PPP1R14C: variants seen among roughly 807,000 people sequenced by gnomAD.
PPP1R14C encodes protein phosphatase 1 regulatory inhibitor subunit 14C.
Under a neutral mutation model 20.4 loss-of-function variants are expected in PPP1R14C, and 16 were observed. The ratio of observed to expected loss-of-function variants is 0.78; its 90% CI spans 0.53 to 1.19. The LOEUF (loss-of-function observed/expected upper bound fraction) is 1.19, where lower values mean the gene tolerates loss of function less well. PPP1R14C is among the 50% of genes most tolerant of loss of function. The pLI is 0.00. For missense variants in PPP1R14C, 211 were observed against 220.1 expected (o/e 0.96, Z 0.26); for synonymous variants, 91 against 91.0 (o/e 1.00, Z 0.00).
chr6:150,199,544 C>T (rs1408707447), intron 1 of PPP1R14C, among the ~76,000 whole-genome samples: 1 of 152,180 alleles, frequency 6.6e-6, no homozygotes, highest in East Asian at 1.9e-4. Context: ...ACCCACCAGC[C>T]TCTTCATCTT....
intron 1 of PPP1R14C, among the ~76,000 whole-genome samples, chr6:150,174,418 G>T (rs62440054): frequency 1.3e-5 from 2 of 151,326 alleles, no homozygotes; most frequent in African/African-American, 2.4e-5. Context: ...GGGTTTCACC[G>T]TGTTAGCCAG....
chr6:150,220,554 A>G (rs1778154246), intron 3 of PPP1R14C, among the ~76,000 whole-genome samples: 2 of 152,224 alleles, frequency 1.3e-5, no homozygotes, highest in African/African-American at 4.8e-5. Flanking sequence ...ATGGGAGTGG[A>G]AGGGGTTGCT....
chr6:150,228,041 C>A (rs768690396), intron 3 of PPP1R14C, among the ~76,000 whole-genome samples: 10 of 152,192 alleles, frequency 6.6e-5, no homozygotes, highest in Non-Finnish European at 1.3e-4. Context: ...ATCCTATGCT[C>A]TGTCAACTCT....
intron 1 of PPP1R14C, among the ~76,000 whole-genome samples, chr6:150,191,197 C>T (rs1777738216): frequency 6.6e-6 from 1 of 152,180 alleles, no homozygotes; most frequent in Middle Eastern, 3.2e-3. Context: ...AGTGAACCTT[C>T]CAGGATCAAC....
At chr6:150,182,254 G>A (rs148791759) in intron 1 of PPP1R14C, among the ~76,000 whole-genome samples, 179 of 152,292 alleles carry the variant, frequency 1.2e-3, no homozygotes, top group African/African-American at 4.0e-3. Context: ...GCTGTGTACC[G>A]TGAGACAAAT....
At chr6:150,239,890 A>T (rs1044768309) in intron 3 of PPP1R14C, among the ~76,000 whole-genome samples, 22 of 152,020 alleles carry the variant, frequency 1.4e-4, no homozygotes, top group African/African-American at 5.3e-4. Flanking sequence ...CCGTCTCTAC[A>T]AAAAATATAA....
chr6:150,215,505 A>C (rs555953078), intron 2 of PPP1R14C, among the ~76,000 whole-genome samples: 1 of 152,164 alleles, frequency 6.6e-6, no homozygotes, highest in Non-Finnish European at 1.5e-5. Context: ...ACTGTTAATG[A>C]CTGTTGGTGA....
intron 1 of PPP1R14C, among the ~76,000 whole-genome samples, chr6:150,156,051 A>G (rs997616878): frequency 6.8e-6 from 1 of 147,220 alleles, no homozygotes; most frequent in Admixed American, 6.8e-5. Flanking sequence ...AAAAAAAAAA[A>G]AGAAAGAAAG....
At chr6:150,179,425 A>AGGAG (rs549534470) in intron 1 of PPP1R14C, among the ~76,000 whole-genome samples, 12,458 of 101,926 alleles carry the variant, frequency 0.12, 772 homozygotes, top group African/African-American at 0.2. Flanking sequence ...AGAGAAAGAA[A>AGGAG]GGAGGGAGGG....
At position 150,195,794 on chromosome 6, in the gene PPP1R14C, CA is replaced by C; in HGVS notation, c.307-18947del. On this transcript the variant is annotated intron_variant, in intron 1 of 3. Coordinates refer to ENST00000361131, the MANE Select transcript of PPP1R14C (RefSeq NM_030949.3). ...CATCTCCCGAACTTTCTCATCTTCC[CA>C]AACTGAGACACTGTGCCCATTCTTG... The C allele has an allele frequency of 4.1e-6, 4 of 980,258 alleles. No homozygotes were observed. In the South Asian group the frequency reaches 1.9e-4, roughly 46 times the overall value. The allele number at this position is 980,258 out of a possible 1,614,324, so 60.7% of individuals were successfully genotyped here. A position where few individuals can be genotyped will look rare whatever the true frequency, so the allele number is the denominator to read the frequency against.
At chr6:150,239,790 C>A (rs193098793) in intron 3 of PPP1R14C, among the ~76,000 whole-genome samples, 1 of 152,178 alleles carries the variant, frequency 6.6e-6, no homozygotes, top group African/African-American at 2.4e-5. Flanking sequence ...TGTAATTACA[C>A]GCCTGTAATC....
At chr6:150,198,279 G>A (rs537455121) in intron 1 of PPP1R14C, among the ~76,000 whole-genome samples, 2 of 144,468 alleles carry the variant, frequency 1.4e-5, no homozygotes, top group African/African-American at 2.6e-5. Flanking sequence ...CTGGATGCCC[G>A]GCTTTGTGTG....
chr6:150,240,939 T>C (rs1749220477), intron 3 of PPP1R14C, among the ~76,000 whole-genome samples: 1 of 152,230 alleles, frequency 6.6e-6, no homozygotes, highest in East Asian at 1.9e-4. Flanking sequence ...TATGTACATC[T>C]TTTGTTATAA....
intron 1 of PPP1R14C, among the ~76,000 whole-genome samples, chr6:150,180,745 G>T (rs899961452): frequency 6.6e-6 from 1 of 152,142 alleles, no homozygotes; most frequent in African/African-American, 2.4e-5. Context: ...GGTGGGGGCG[G>T]AGTGAAGGGT....
intron 3 of PPP1R14C, among the ~76,000 whole-genome samples, chr6:150,228,477 T>C (rs992974535): frequency 1.3e-5 from 2 of 152,162 alleles, no homozygotes; most frequent in Non-Finnish European, 2.9e-5. Flanking sequence ...TGGACAGCAT[T>C]CTCTTAGCAG....
chr6:150,194,617 A>G (rs966562372), intron 1 of PPP1R14C: 4 of 983,548 alleles, frequency 4.1e-6, no homozygotes, highest in Admixed American at 6.1e-5. Context: ...TTTACATTTT[A>G]TTAAACCACC....
Position 150,143,573 on chromosome 6 carries a change from T to G in PPP1R14C, c.306+75T>G. ...TGCCCGCGCAGTAATTTTCCCGGGC[T>G]CCAGCTCCGGGGCGCGCATGTCCCT... On this transcript the variant is annotated intron_variant, in intron 1 of 3. Coordinates refer to ENST00000361131, the MANE Select transcript of PPP1R14C (RefSeq NM_030949.3). The surrounding 1 kb of genome is among the most constrained non-coding windows in gnomAD (Gnocchi z 5.6). 9.0e-7 allele frequency: 1 copy of G among 1,109,622 alleles called. No individual in the cohort carries two copies. The highest frequency in any genetic ancestry group is 1.3e-6 in the Non-Finnish European group (1 of 783,340). The allele number at this position is 1,109,622 out of a possible 1,614,324, so 68.7% of individuals were successfully genotyped here.
At chr6:150,233,744 T>A (rs1778320125) in intron 3 of PPP1R14C, among the ~76,000 whole-genome samples, 1 of 152,240 alleles carries the variant, frequency 6.6e-6, no homozygotes, top group Non-Finnish European at 1.5e-5. Flanking sequence ...CATCATATTC[T>A]TTATGATTTT....
At chr6:150,241,750 G>A (rs1352977222) in intron 3 of PPP1R14C, among the ~76,000 whole-genome samples, 2 of 152,200 alleles carry the variant, frequency 1.3e-5, no homozygotes, top group Non-Finnish European at 2.9e-5. Flanking sequence ...AGCTGGGCAT[G>A]GTGGCACATG....
Sources: gnomAD v4.1 joint callset for allele counts (sites outside exome capture counted in the v4.1 genomes callset) on GRCh38, gnomAD v4.1.1 for gene constraint, Gnocchi (gnomAD v3.1) non-coding constraint, MANE v1.5 for transcripts, NCBI Gene and HGNC (gene_info 2026-07-23, HGNC 2026-07-21) for gene names.